The following CCDC192 variants were observed in gnomAD, a reference collection of about 807,000 sequenced individuals.
CCDC192 encodes coiled-coil domain containing 192, also known as coiled-coil domain-containing protein 192.
chr5:127,717,928 C>CAAAAAAAAAAAAAAAAAAGAAAAA, intron 2 of CCDC192, among the ~76,000 whole-genome samples: 4 of 98,054 alleles, frequency 4.1e-5, no homozygotes, highest in Middle Eastern at 5.0e-3. Context: ...TAAAGCTAGA[C>CAAAAAAAAAAAAAAAAAAGAAAAA]AAAAAAAAAA....
chr5:127,817,418 A>G (rs947525002), intron 5 of CCDC192, among the ~76,000 whole-genome samples: 3 of 152,260 alleles, frequency 2.0e-5, no homozygotes, highest in African/African-American at 7.2e-5. Context: ...TGAATGGATA[A>G]ACAAAATGTA....
At chr5:127,931,482 G>C (rs1754028266) in intron 6 of CCDC192, among the ~76,000 whole-genome samples, 1 of 152,190 alleles carries the variant, frequency 6.6e-6, no homozygotes, top group Non-Finnish European at 1.5e-5. Context: ...CAGCACAATA[G>C]ATGTGCTCTC....
intron 6 of CCDC192, chr5:127,940,974 G>A (rs1754384047): frequency 2.6e-6 from 1 of 378,836 alleles, no homozygotes; most frequent in African/African-American, 2.1e-5. Flanking sequence ...AGGCTCCCAA[G>A]TTTTGTTTTG....
intron 5 of CCDC192, among the ~76,000 whole-genome samples, chr5:127,862,293 C>T (rs1187643025): frequency 6.6e-6 from 1 of 152,142 alleles, no homozygotes; most frequent in Admixed American, 6.6e-5. Context: ...CTCATGGGAA[C>T]CTCCCCATCT....
At chr5:127,827,796 C>G (rs1176774458) in intron 5 of CCDC192, among the ~76,000 whole-genome samples, 1 of 152,188 alleles carries the variant, frequency 6.6e-6, no homozygotes, top group African/African-American at 2.4e-5. Context: ...TCCAACTCCT[C>G]CGGCGCAGTC....
intron 6 of CCDC192, among the ~76,000 whole-genome samples, chr5:127,884,342 C>CA (rs778430655): frequency 0.18 from 2,086 of 11,788 alleles, 493 homozygotes; most frequent in Admixed American, 0.22. Flanking sequence ...GACTCCGTCT[C>CA]AAAAAAAAAA....
At position 127,895,462 on chromosome 5, in the gene CCDC192, T is replaced by C. The variant is rs1426580871; in HGVS notation, c.535+19801T>C. The stretch of plus-strand genomic sequence containing the variant: ...TATCAGAAAGTCTTGAATGATTATT[T>C]GTTTTAATGAGTATTCCCTAAGAAA... On this transcript the variant is annotated intron_variant, in intron 6 of 6. Transcript: ENST00000514853. 2.0e-5 allele frequency among the ~76,000 whole-genome samples: 3 copies of C among 152,232 alleles called. No homozygotes were observed. In the East Asian group the frequency reaches 5.8e-4, roughly 29 times the overall value.
intron 3 of CCDC192, among the ~76,000 whole-genome samples, chr5:127,776,886 G>A (rs913138249): frequency 2.0e-5 from 3 of 152,224 alleles, no homozygotes; most frequent in Non-Finnish European, 2.9e-5. Context: ...GGAAACTTCC[G>A]CCTAGGTTTC....
At chr5:127,792,124 C>A (rs1756899177) in intron 3 of CCDC192, among the ~76,000 whole-genome samples, 1 of 151,748 alleles carries the variant, frequency 6.6e-6, no homozygotes, top group Non-Finnish European at 1.5e-5. Flanking sequence ...CAAGCCTGGG[C>A]AAAAAAGTGA....
At chr5:127,865,306 G>A (rs1260316731) in intron 5 of CCDC192, among the ~76,000 whole-genome samples, 3 of 152,076 alleles carry the variant, frequency 2.0e-5, no homozygotes, top group African/African-American at 7.2e-5. Flanking sequence ...TGTTGAGTAT[G>A]AGAAATTAAA....
chr5:127,772,961 G>A (rs1223010913), intron 3 of CCDC192, among the ~76,000 whole-genome samples: 3 of 152,142 alleles, frequency 2.0e-5, no homozygotes, highest in African/African-American at 7.2e-5. Flanking sequence ...TTTTTTCAGG[G>A]ACTTACTGAG....
intron 6 of CCDC192, among the ~76,000 whole-genome samples, chr5:127,878,610 C>T (rs1163028273): frequency 6.6e-6 from 1 of 152,124 alleles, no homozygotes. Context: ...GAGCTGAGAT[C>T]GTGCCACTGC....
Position 127,789,066 on chromosome 5 carries a change from C to A in CCDC192, c.223-8037C>A, listed in dbSNP as rs142562339. The stretch of plus-strand genomic sequence containing the variant: ...ACACTGAATTTTTTGTCACTTTGGC[C>A]TTGGACTTCTGAGACTCCAGAATTG... On this transcript the variant is annotated intron_variant, in intron 3 of 6. Coordinates refer to ENST00000514853, the MANE Select transcript of CCDC192 (RefSeq NM_001317938.2). 1.1e-4 allele frequency among the ~76,000 whole-genome samples: 17 copies of A among 152,246 alleles called. No homozygotes were observed. In the East Asian group the frequency reaches 3.3e-3, roughly 29 times the overall value.
intron 5 of CCDC192, among the ~76,000 whole-genome samples, chr5:127,807,603 G>A (rs1757860841): frequency 6.6e-6 from 1 of 152,214 alleles, no homozygotes; most frequent in Middle Eastern, 3.4e-3. Context: ...CAAAGGATGA[G>A]TGGATAAATG....
At chr5:127,931,689 C>G (rs1400199565) in intron 6 of CCDC192, among the ~76,000 whole-genome samples, 4 of 152,010 alleles carry the variant, frequency 2.6e-5, no homozygotes, top group African/African-American at 9.7e-5. Context: ...AGGCACCCTT[C>G]TAGAGTCACT....
chr5:127,772,401 A>T (rs1755608639), intron 3 of CCDC192, among the ~76,000 whole-genome samples: 1 of 150,816 alleles, frequency 6.6e-6, no homozygotes, highest in Non-Finnish European at 1.5e-5. Context: ...GGGGGTGCGG[A>T]CGTTGAGGTG....
chr5:127,729,947 AC>A (rs1229107649), intron 2 of CCDC192, among the ~76,000 whole-genome samples: 1 of 152,098 alleles, frequency 6.6e-6, no homozygotes, highest in East Asian at 1.9e-4. Flanking sequence ...ACATCGTAAT[AC>A]ACAAATAAAA....
chr5:127,841,869 A>G (rs770327008), intron 5 of CCDC192, among the ~76,000 whole-genome samples: 2 of 152,204 alleles, frequency 1.3e-5, no homozygotes, highest in Non-Finnish European at 2.9e-5. Flanking sequence ...TACAGGGGCC[A>G]GGCAGGTTGT....
chr5:127,739,980 G>A (rs186588199), intron 2 of CCDC192: 1 of 152,948 alleles, frequency 6.5e-6, no homozygotes, highest in East Asian at 1.9e-4. Flanking sequence ...TTTCATGCTG[G>A]TGTGTCTGAC....
Sources: allele counts gnomAD v4.1 joint callset (sites outside exome capture counted in the v4.1 genomes callset), GRCh38; gene constraint gnomAD v4.1.1; transcripts MANE v1.5; gene names NCBI Gene and HGNC (gene_info 2026-07-23, HGNC 2026-07-21).